Variants in PCDH15 observed in about 807,000 individuals in gnomAD.
PCDH15 encodes the protein protocadherin-15.
PCDH15 carries 129 observed loss-of-function variants against 178.5 expected under a neutral mutation model. The ratio of observed to expected loss-of-function variants is 0.72; its 90% CI spans 0.63 to 0.84. The LOEUF (loss-of-function observed/expected upper bound fraction) is 0.84. PCDH15 is among the 40% of genes least tolerant of loss of function. The probability of loss-of-function intolerance (pLI) is 0.00; values close to 1 mark genes in which losing one functional copy is unlikely to be tolerated. For missense variants in PCDH15, 2,230 were observed against 2,099.9 expected, an observed-to-expected ratio of 1.06 and a Z score of -1.21; for synonymous variants, 800 against 732.0, an observed-to-expected ratio of 1.09 and a Z score of -1.50.
chr10:55,607,118 A>C (rs1843238928), intron 2 of PCDH15, among the ~76,000 whole-genome samples: 1 of 152,184 alleles, frequency 6.6e-6, no homozygotes, highest in African/African-American at 2.4e-5. Flanking sequence ...AAAAGAAGAC[A>C]TTTATGCAGC....
intron 18 of PCDH15, among the ~76,000 whole-genome samples, chr10:54,045,554 A>G (rs1274890043): frequency 6.6e-6 from 1 of 152,074 alleles, no homozygotes; most frequent in East Asian, 1.9e-4. Context: ...CTAATAAACC[A>G]ACACAATAGA....
intron 8 of PCDH15, among the ~76,000 whole-genome samples, chr10:54,286,351 T>A (rs2059024539): frequency 1.3e-5 from 2 of 152,160 alleles, no homozygotes; most frequent in African/African-American, 4.8e-5. Context: ...AACAAAATTT[T>A]TAAAAGTTAA....
intron 1 of PCDH15, among the ~76,000 whole-genome samples, chr10:55,305,402 G>A (rs1401632787): frequency 6.6e-6 from 1 of 152,210 alleles, no homozygotes; most frequent in African/African-American, 2.4e-5. Context: ...GGCAGACAGG[G>A]ACATCTGATG....
At chr10:53,878,086 G>C (rs1044402925) in intron 26 of PCDH15, among the ~76,000 whole-genome samples, 1 of 150,060 alleles carries the variant, frequency 6.7e-6, no homozygotes, top group Non-Finnish European at 1.5e-5. Flanking sequence ...GTTCTTTCAG[G>C]TTTCTATTTC....
rs368157506 is a variant in PCDH15, at chr10:55,332,877, T to C, written c.-155-166226A>G. On this transcript the variant is annotated intron_variant, in intron 2 of 5. Transcript: ENST00000613346. ...AACTGTGAATCCATTAAACCTTTTC[T>C]TCTTTATAAATTACCCTGAGTCAGG... 7.2e-5 allele frequency among the ~76,000 whole-genome samples: 11 copies of C among 152,302 alleles called. No homozygotes were observed. In the East Asian group the frequency reaches 9.7e-4, roughly 13 times the overall value.
chr10:55,465,357 G>T (rs1002377996), intron 2 of PCDH15, among the ~76,000 whole-genome samples: 1 of 152,142 alleles, frequency 6.6e-6, no homozygotes, highest in Non-Finnish European at 1.5e-5. Context: ...GGACTATTGC[G>T]TAAATTGCAC....
chr10:53,886,478 T>C (rs1206925691), intron 26 of PCDH15, among the ~76,000 whole-genome samples: 1 of 152,152 alleles, frequency 6.6e-6, no homozygotes, highest in East Asian at 1.9e-4. Flanking sequence ...ACCCATAACA[T>C]TTGGTTAAAC....
At chr10:53,922,205 A>G (rs2084055939) in intron 25 of PCDH15, among the ~76,000 whole-genome samples, 1 of 152,154 alleles carries the variant, frequency 6.6e-6, no homozygotes. Context: ...AAAATATGAG[A>G]TATCTCTCTG....
chr10:55,222,935 T>C (rs979083899), intron 1 of PCDH15, among the ~76,000 whole-genome samples: 1 of 151,808 alleles, frequency 6.6e-6, no homozygotes, highest in Admixed American at 6.6e-5. Flanking sequence ...CCATAGTTAT[T>C]GATAACAATT....
chr10:55,453,342 C>T (rs1006747212), intron 2 of PCDH15, among the ~76,000 whole-genome samples: 4 of 152,046 alleles, frequency 2.6e-5, no homozygotes, highest in Admixed American at 6.6e-5. Flanking sequence ...CTTACTGCAG[C>T]GGATCTGACA....
intron 2 of PCDH15, among the ~76,000 whole-genome samples, chr10:55,462,649 T>A (rs1044381315): frequency 6.6e-6 from 1 of 152,134 alleles, no homozygotes; most frequent in Non-Finnish European, 1.5e-5. Flanking sequence ...ATATTGTGCC[T>A]ATTTAGTCTT....
chr10:54,929,564 CT>C (rs1455746895), intron 2 of PCDH15, among the ~76,000 whole-genome samples: 1 of 152,098 alleles, frequency 6.6e-6, no homozygotes, highest in East Asian at 1.9e-4. Context: ...TTTATCATAC[CT>C]TCTGACCGTT....
At chr10:53,934,620 G>A (rs1243365796) in intron 25 of PCDH15, among the ~76,000 whole-genome samples, 2 of 151,682 alleles carry the variant, frequency 1.3e-5, no homozygotes, top group African/African-American at 2.4e-5. Flanking sequence ...AAATCACACG[G>A]AGATGTAACA....
intron 25 of PCDH15, among the ~76,000 whole-genome samples, chr10:53,905,991 T>C (rs1379357917): frequency 6.6e-6 from 1 of 152,226 alleles, no homozygotes; most frequent in East Asian, 1.9e-4. Flanking sequence ...AACTTATACA[T>C]TTATTTATTT....
At chr10:55,265,723 C>T (rs1309810009) in intron 1 of PCDH15, among the ~76,000 whole-genome samples, 1 of 152,064 alleles carries the variant, frequency 6.6e-6, no homozygotes. Flanking sequence ...CACTGCCTTC[C>T]TGGAAAAGCT....
chr10:54,608,308 A>C (rs2092836214), intron 2 of PCDH15, among the ~76,000 whole-genome samples: 1 of 151,606 alleles, frequency 6.6e-6, no homozygotes, highest in East Asian at 2.0e-4. Flanking sequence ...TCTCTACCAA[A>C]AAAAAAAAAG....
intron 3 of PCDH15, among the ~76,000 whole-genome samples, chr10:54,516,668 T>C (rs1217273124): frequency 6.6e-6 from 1 of 152,010 alleles, no homozygotes; most frequent in Non-Finnish European, 1.5e-5. Flanking sequence ...TTCCCCAACC[T>C]AGCAAGGCAG....
At chr10:53,845,641 T>C (rs2077922304) in intron 28 of PCDH15, among the ~76,000 whole-genome samples, 1 of 151,806 alleles carries the variant, frequency 6.6e-6, no homozygotes, top group Non-Finnish European at 1.5e-5. Context: ...AAATATCACA[T>C]ATTCTCATTC....
chr10:55,160,532 G>A (rs917691128), intron 2 of PCDH15, among the ~76,000 whole-genome samples: 2 of 151,878 alleles, frequency 1.3e-5, no homozygotes, highest in African/African-American at 4.8e-5. Context: ...GCATCATCAG[G>A]CATTTTAAAT....
Sources: allele counts gnomAD v4.1 joint callset (sites outside exome capture counted in the v4.1 genomes callset), GRCh38; gene constraint gnomAD v4.1.1; transcripts MANE v1.5; gene names NCBI Gene and HGNC (gene_info 2026-07-23, HGNC 2026-07-21).